EPB41: variants seen among roughly 807,000 people sequenced by gnomAD.
EPB41 encodes erythrocyte membrane protein band 4.1.
In EPB41, 65 loss-of-function variants were observed where a neutral mutation model predicts 108.0. That is an observed-to-expected ratio of 0.60 (90% CI 0.49 to 0.74). The LOEUF is 0.74. EPB41 is among the 30% of genes least tolerant of loss of function. EPB41 has a pLI of 0.00. For synonymous variants in EPB41, 336 were observed against 358.9 expected, an observed-to-expected ratio of 0.94 and a Z score of 0.72; for missense variants, 875 against 1,037.0, an observed-to-expected ratio of 0.84 and a Z score of 2.15.
At chr1:29,088,700 A>G (rs1263658467) in intron 16 of EPB41, among the ~76,000 whole-genome samples, 7 of 152,144 alleles carry the variant, frequency 4.6e-5, no homozygotes, top group Non-Finnish European at 4.4e-5. Flanking sequence ...GCCTTCTTAT[A>G]TGTAAAAATC....
chr1:29,066,274 C>G (rs1158025153), intron 16 of EPB41, among the ~76,000 whole-genome samples: 1 of 151,980 alleles, frequency 6.6e-6, no homozygotes, highest in African/African-American at 2.4e-5. Flanking sequence ...CAAAAATTAG[C>G]CGGGCATGGT....
intron 11 of EPB41, among the ~76,000 whole-genome samples, chr1:29,049,392 G>A (rs547294906): frequency 6.6e-6 from 1 of 152,296 alleles, no homozygotes; most frequent in South Asian, 2.1e-4. Context: ...TCCATTCAGT[G>A]AGCAGTGGTT....
At chr1:29,087,522 C>G (rs1233309690) in intron 16 of EPB41, among the ~76,000 whole-genome samples, 1 of 152,130 alleles carries the variant, frequency 6.6e-6, no homozygotes, top group Non-Finnish European at 1.5e-5. Flanking sequence ...GCCACCACAC[C>G]TGGCTAATTT....
intron 1 of EPB41, chr1:28,902,183 G>C (rs562920143): frequency 1.0e-6 from 1 of 985,194 alleles, no homozygotes; most frequent in South Asian, 4.7e-5. Flanking sequence ...AAAGTGAGCG[G>C]TCATCATCCT....
chr1:29,057,428 C>T (rs190032747), intron 12 of EPB41, among the ~76,000 whole-genome samples: 1 of 150,996 alleles, frequency 6.6e-6, no homozygotes, highest in East Asian at 1.9e-4. Flanking sequence ...CGTTAATTAC[C>T]CCTGGTAGTT....
At position 28,907,147 on chromosome 1, in the gene EPB41, G is replaced by A. The variant is rs559549532; in HGVS notation, c.-8+19937G>A. ...GTGTGCGATCTTGGCTCACTGCAAC[G>A]TCCGCCTCCTGGGTTCAAGCGATTC... On this transcript the variant is annotated intron_variant, in intron 1 of 16. Transcript: ENST00000347529. Among the ~76,000 whole-genome samples the A allele has an allele frequency of 8.0e-5, 12 of 150,492 alleles. No individual in the cohort carries two copies. In the South Asian group the frequency reaches 2.3e-3, roughly 29 times the overall value.
At chr1:29,000,030 T>G (rs2149728051) in intron 4 of EPB41, among the ~76,000 whole-genome samples, 2 of 152,290 alleles carry the variant, frequency 1.3e-5, no homozygotes, top group South Asian at 4.1e-4. Context: ...GCTCAAGCAA[T>G]CCTCCTGCCT....
At position 29,033,156 on chromosome 1, in the gene EPB41, A is replaced by G. The variant is rs563336446; in HGVS notation, c.1276A>G (p.Lys426Glu). The part of the protein sequence containing the change: ...CSSGLLVYKD[K>E]LRINRFPWPK... ...TAGTGGCCTTCTGGTTTACAAAGAT[A>G]AGCTGAGAATTAACCGCTTCCCTTG... The change falls in exon 9 of 21, where the codon AAG (lysine) becomes GAG (glutamate). Residue 426 changes from lysine (K) to glutamate (E), a missense_variant. Lys to Glu is a moderately conservative substitution (Grantham distance 56). Coordinates refer to ENST00000343067, the MANE Select transcript of EPB41 (RefSeq NM_001376013.1). The G allele has an allele frequency of 2.5e-6, 4 of 1,613,970 alleles. No individual in the cohort carries two copies. Among genetic ancestry groups the G allele is most frequent in the South Asian group, 2.2e-5 (2 of 91,072 alleles).
chr1:28,966,392 AT>A (rs2095357513), intron 1 of EPB41, among the ~76,000 whole-genome samples: 1 of 152,086 alleles, frequency 6.6e-6, no homozygotes, highest in Non-Finnish European at 1.5e-5. Flanking sequence ...CTTTGGACTT[AT>A]CAAAATCAGT....
chr1:29,033,014 C>G, intron 8 of EPB41, 79 bp from the exon 9 acceptor site: 1 of 1,385,936 alleles, frequency 7.2e-7, no homozygotes, highest in South Asian at 1.2e-5. Flanking sequence ...TGGTTGTTAT[C>G]TTCAGATTAT....
chr1:29,109,604 A>T, intron 18 of EPB41, 167 bp downstream of exon 18: 1 of 682,042 alleles, frequency 1.5e-6, no homozygotes, highest in Non-Finnish European at 2.7e-6. Context: ...TGCCTTCCCC[A>T]GCAATAAATC....
Position 28,969,501 on chromosome 1 carries a change from C to T in EPB41, c.-7-17930C>T, listed in dbSNP as rs570570744. ...GTGAAATTAGCCGGGCGCAGTGGCT[C>T]ACGCCTGTAATCCCAGCACTTTAGG... is the stretch of plus-strand genomic sequence containing the variant. On this transcript the variant is annotated intron_variant, in intron 1 of 20. Transcript: ENST00000343067. 3.8e-3 allele frequency among the ~76,000 whole-genome samples: 573 copies of T among 151,880 alleles called. 5 individuals are homozygous for T. The highest frequency in any genetic ancestry group is 0.013 in the African/African-American group (530 of 41,452).
intron 1 of EPB41, among the ~76,000 whole-genome samples, chr1:28,939,283 G>T (rs944274183): frequency 2.6e-5 from 4 of 151,948 alleles, no homozygotes; most frequent in South Asian, 2.1e-4. Flanking sequence ...TATTCTATTG[G>T]TGTGGTGTAG....
At chr1:29,070,949 C>T (rs1428156608) in intron 16 of EPB41, 1 of 197,652 alleles carries the variant, frequency 5.1e-6, no homozygotes, top group Non-Finnish European at 1.0e-5. Context: ...TTATGTCTTC[C>T]TATCCAATAT....
chr1:29,112,416 A>G lies in EPB41; in HGVS notation c.2464A>G (p.Ile822Val). 6.2e-7 allele frequency: 1 copy of G among 1,614,006 alleles called. No individual in the cohort carries two copies. The highest frequency in any genetic ancestry group is 1.1e-5 in the South Asian group (1 of 91,082). Residue 822 changes from isoleucine to valine, a missense_variant, in exon 19 of 21, where the codon ATC becomes GTC. By Grantham distance (29) the Ile-to-Val change is conservative. Around this residue, in one of 3 missense-constraint regions of EPB41, gnomAD observed 519 missense variants for 627.3 expected, o/e 0.83. Coordinates refer to ENST00000343067, the MANE Select transcript of EPB41 (RefSeq NM_001376013.1). Reference sequence around the variant, plus strand: ...GACACGTATTGAAAAGAGAATTGTGATCACAGGAGATGCTGATATTGACCA... The same window carrying G: ...GACACGTATTGAAAAGAGAATTGTGGTCACAGGAGATGCTGATATTGACCA... The part of the protein sequence containing the change: ...SETRIEKRIV[I>V]TGDADIDHDQ...
At chr1:28,948,617 C>T (rs532368134) in intron 1 of EPB41, among the ~76,000 whole-genome samples, 6 of 151,794 alleles carry the variant, frequency 4.0e-5, no homozygotes, top group South Asian at 2.1e-4. Context: ...TATCCTTTTA[C>T]GCTATTTTTA....
intron 16 of EPB41, among the ~76,000 whole-genome samples, chr1:29,080,166 CA>C (rs1244808333): frequency 6.7e-6 from 1 of 150,294 alleles, no homozygotes; most frequent in African/African-American, 2.4e-5. Context: ...TAGCCCAGGC[CA>C]AAGTGCAGTG....
Position 29,022,372 on chromosome 1 carries a change from TAA to T in EPB41, c.1124+3948_1124+3949del, listed in dbSNP as rs370103452. ...CTTTAAGAAACTGCCATTGATATAA[TAA>T]AAAAAAAAAAAAAAAAAGAAACTGC... is the stretch of plus-strand genomic sequence containing the variant. On this transcript the variant is annotated intron_variant, in intron 7 of 20. Coordinates refer to ENST00000343067, the MANE Select transcript of EPB41 (RefSeq NM_001376013.1). Among the ~76,000 whole-genome samples the T allele has an allele frequency of 9.9e-5, 11 of 111,516 alleles. No homozygotes were observed. In the East Asian group the frequency reaches 1.4e-3, roughly 14 times the overall value. The allele number at this position is 111,516 out of a possible 152,430, so 73.2% of individuals were successfully genotyped here.
intron 1 of EPB41, among the ~76,000 whole-genome samples, chr1:28,962,357 C>A (rs955823617): frequency 1.3e-5 from 2 of 152,118 alleles, no homozygotes; most frequent in African/African-American, 4.8e-5. Flanking sequence ...AGCCACCGCT[C>A]CCGGCCATAA....
Sources: gnomAD v4.1 joint callset for allele counts (sites outside exome capture counted in the v4.1 genomes callset) on GRCh38, gnomAD v4.1.1 for gene constraint, gnomAD v4.1.1 regional missense constraint, MANE v1.5 for transcripts, NCBI Gene and HGNC (gene_info 2026-07-23, HGNC 2026-07-21) for gene names.